The following TENM1 variants were observed in gnomAD, a reference collection of about 807,000 sequenced individuals.
TENM1 encodes the protein teneurin transmembrane protein 1.
TENM1 carries 35 observed loss-of-function variants against 174.8 expected under a neutral mutation model. The ratio of observed to expected loss-of-function variants is 0.20; its 90% confidence interval spans 0.15 to 0.27. The LOEUF (loss-of-function observed/expected upper bound fraction) is 0.27. Among genes scored for constraint, TENM1 ranks in the 10% least tolerant of loss-of-function variants. The probability of loss-of-function intolerance (pLI) is 1.00; values close to 1 mark genes in which losing one functional copy is unlikely to be tolerated. For synonymous variants in TENM1, 781 were observed against 798.7 expected (o/e 0.98, Z 0.37); for missense variants, 1,633 against 2,130.1 (o/e 0.77, Z 4.59).
At chrX:124,698,826 C>T (rs1406757492) in intron 5 of TENM1, among the ~76,000 whole-genome samples, 1 of 111,443 alleles carries the variant, frequency 9.0e-6, no homozygotes, top group Admixed American at 9.6e-5. Flanking sequence ...TTCAACCTTT[C>T]TGTGAAGCAA....
chrX:124,990,717 ACT>A, the TENM1 span, among the ~76,000 whole-genome samples: 1 of 112,137 alleles, frequency 8.9e-6, no homozygotes, highest in African/African-American at 3.2e-5. Context: ...ACATTAACAT[ACT>A]CTCAGTAATT....
At chrX:124,635,892 C>G (rs1278455935) in intron 11 of TENM1, among the ~76,000 whole-genome samples, 1 of 112,313 alleles carries the variant, frequency 8.9e-6, no homozygotes, top group African/African-American at 3.2e-5. Flanking sequence ...TATATTATAA[C>G]AAGCTGCTAT....
chrX:124,619,493 T>C (rs1304453900), intron 11 of TENM1, among the ~76,000 whole-genome samples: 1 of 112,266 alleles, frequency 8.9e-6, no homozygotes, highest in East Asian at 2.8e-4. Flanking sequence ...AATGGATATT[T>C]AGATTGTTCC....
intron 1 of TENM1, among the ~76,000 whole-genome samples, chrX:124,912,912 A>G (rs188526603): frequency 1.8e-3 from 196 of 111,665 alleles, no homozygotes; most frequent in Admixed American, 4.4e-3. Flanking sequence ...TGGAAAGGCC[A>G]TTTTGAATTA....
At chrX:125,001,796 T>C in the TENM1 span, among the ~76,000 whole-genome samples, 3 of 108,948 alleles carry the variant, frequency 2.8e-5, no homozygotes, top group Admixed American at 9.9e-5. Context: ...TATATACACC[T>C]CTCTCTACCT....
chrX:125,201,211 A>G, the TENM1 span, among the ~76,000 whole-genome samples: 1 of 112,407 alleles, frequency 8.9e-6, no homozygotes, highest in East Asian at 2.8e-4. Context: ...ACTATGAGGG[A>G]AACTATGATT....
intron 22 of TENM1, among the ~76,000 whole-genome samples, chrX:124,465,352 C>A (rs2061229467): frequency 9.0e-6 from 1 of 111,422 alleles, no homozygotes; most frequent in South Asian, 3.9e-4. Context: ...GGGCTCCCGA[C>A]ATCATTCCCC....
intron 5 of TENM1, among the ~76,000 whole-genome samples, chrX:124,683,866 T>A (rs1160588807): frequency 1.8e-5 from 2 of 112,092 alleles, no homozygotes; most frequent in Non-Finnish European, 3.8e-5. Flanking sequence ...TTTTTCTTAA[T>A]GTTTCCTGAA....
chrX:124,479,174 T>A (rs963670401), intron 22 of TENM1, among the ~76,000 whole-genome samples: 1 of 112,333 alleles, frequency 8.9e-6, no homozygotes, highest in African/African-American at 3.2e-5. Flanking sequence ...TCAAACATTG[T>A]TAGCATGGTT....
intron 3 of TENM1, among the ~76,000 whole-genome samples, chrX:124,891,279 T>C (rs2057471727): frequency 9.0e-6 from 1 of 111,336 alleles, no homozygotes. Flanking sequence ...CATCATATAT[T>C]TTAAAATAAC....
At position 124,894,293 on chromosome X, in the gene TENM1, TG is replaced by T; in HGVS notation, c.535+2del. The T allele has an allele frequency of 8.4e-7, 1 of 1,197,245 alleles. No homozygotes were observed. Among genetic ancestry groups the T allele is most frequent in the Non-Finnish European group, 1.1e-6 (1 of 885,875 alleles). On this transcript the variant is annotated splice_donor_variant, in intron 3 of 31. Transcript: ENST00000422452. LOFTEE classifies it high-confidence loss of function. Reference sequence around the variant, plus strand: ...TTGTGATCAAATATTTGAAAACACTTGCCTTGAGTAGACCCAGCTTGAGCCT... The same window carrying T: ...TTGTGATCAAATATTTGAAAACACTTCCTTGAGTAGACCCAGCTTGAGCCT...
At chrX:124,643,493 T>C (rs1044461388) in intron 10 of TENM1, among the ~76,000 whole-genome samples, 1 of 111,052 alleles carries the variant, frequency 9.0e-6, no homozygotes, top group Admixed American at 9.6e-5. Flanking sequence ...GTCACCAGAT[T>C]TTCTAGTGTT....
intron 3 of TENM1, among the ~76,000 whole-genome samples, chrX:124,773,357 G>T (rs1253118633): frequency 1.8e-5 from 2 of 108,624 alleles, no homozygotes; most frequent in African/African-American, 6.7e-5. Context: ...GCAATATAGA[G>T]TAGGAATTAA....
In TENM1 at chrX:124,534,821, G is replaced by A. The variant is rs193137445; in HGVS notation, c.2652-4838C>T. Among the ~76,000 whole-genome samples the A allele has an allele frequency of 2.7e-4, 30 of 111,622 alleles. No individual in the cohort carries two copies. In the East Asian group the frequency reaches 6.2e-3, roughly 23 times the overall value. The stretch of plus-strand genomic sequence containing the variant: ...CTCACTAGTGTTTGAATCCTGCCCC[G>A]TAAATTCCTCTTTGAATTGTCAGTT... On this transcript the variant is annotated intron_variant, in intron 15 of 31. Transcript: ENST00000422452.
chrX:125,053,963 CA>C, the TENM1 span, among the ~76,000 whole-genome samples: 5 of 111,842 alleles, frequency 4.5e-5, no homozygotes, highest in Non-Finnish European at 9.4e-5. Context: ...TGAAACAAAA[CA>C]AAACACTTTC....
intron 3 of TENM1, among the ~76,000 whole-genome samples, chrX:124,826,207 C>T (rs927828151): frequency 1.8e-5 from 2 of 110,284 alleles, no homozygotes; most frequent in African/African-American, 3.3e-5. Flanking sequence ...CCCAGGAGTT[C>T]GAGACCAGCC....
intron 4 of TENM1, among the ~76,000 whole-genome samples, chrX:124,706,706 C>A (rs1304825604): frequency 1.8e-5 from 2 of 112,075 alleles, no homozygotes; most frequent in South Asian, 7.3e-4. Context: ...GCATATACTT[C>A]TTTTATACAA....
exon 11 of TENM1, chrX:124,641,962 G>A: frequency 8.3e-7 from 1 of 1,211,711 alleles, no homozygotes; most frequent in Non-Finnish European, 1.1e-6. Flanking sequence ...CAGATGCCAT[G>A]GTTGGAACAC....
the TENM1 span, among the ~76,000 whole-genome samples, chrX:125,017,378 G>A: frequency 1.8e-5 from 2 of 111,420 alleles, no homozygotes; most frequent in African/African-American, 6.5e-5. Flanking sequence ...GATAACAGAT[G>A]CTGGAGAGGA....
Sources: allele counts gnomAD v4.1 joint callset (sites outside exome capture counted in the v4.1 genomes callset), GRCh38; gene constraint gnomAD v4.1.1; transcripts MANE v1.5; gene names NCBI Gene and HGNC (gene_info 2026-07-23, HGNC 2026-07-21).